The following DCAF6 variants were observed in gnomAD, a reference collection of about 807,000 sequenced individuals.
The protein encoded by DCAF6 is DDB1- and CUL4-associated factor 6.
A neutral mutation model predicts 125.1 loss-of-function variants in DCAF6; 54 were observed. The observed-to-expected ratio is 0.43, with a 90% CI of 0.35 to 0.54. The LOEUF (loss-of-function observed/expected upper bound fraction) is 0.54, where lower values mean the gene tolerates loss of function less well. DCAF6 is among the 20% of genes least tolerant of loss of function. DCAF6 has a pLI of 0.01. For missense variants in DCAF6, 934 were observed against 1,161.7 expected (o/e 0.80, Z 2.85); for synonymous variants, 371 against 390.4 (o/e 0.95, Z 0.58).
At chr1:167,976,439 T>G (rs1295979917) in intron 4 of DCAF6, among the ~76,000 whole-genome samples, 1 of 152,108 alleles carries the variant, frequency 6.6e-6, no homozygotes, top group Non-Finnish European at 1.5e-5. Flanking sequence ...GCTACTGTAC[T>G]CCAACCTGGG....
intron 5 of DCAF6, 32 bp downstream of exon 5, chr1:167,987,640 G>GA (rs751180148): frequency 2.6e-6 from 3 of 1,135,692 alleles, no homozygotes; most frequent in African/African-American, 1.6e-5. Context: ...AAATGATGCA[G>GA]AAAAAATTAA....
chr1:167,872,113 G>A, the DCAF6 span, among the ~76,000 whole-genome samples: 27,968 of 152,086 alleles, frequency 0.18, 2,954 homozygotes, highest in Middle Eastern at 0.26. Context: ...AGGCCGAGGC[G>A]GGTGGATCCC....
At chr1:168,036,164 G>T (rs979352848) in intron 12 of DCAF6, among the ~76,000 whole-genome samples, 1 of 152,178 alleles carries the variant, frequency 6.6e-6, no homozygotes, top group African/African-American at 2.4e-5. Flanking sequence ...CTTGCCTTTG[G>T]TGGGGAACCT....
the DCAF6 span, among the ~76,000 whole-genome samples, chr1:167,899,944 T>C: frequency 6.6e-6 from 1 of 152,232 alleles, no homozygotes; most frequent in Non-Finnish European, 1.5e-5. Context: ...CAACAGGGAA[T>C]ACCTTTAATA....
At chr1:167,880,479 G>T in the DCAF6 span, 8 of 1,597,122 alleles carry the variant, frequency 5.0e-6, no homozygotes, top group Non-Finnish European at 6.9e-6. Context: ...TGGGACCAGG[G>T]TCAATACTCA....
In DCAF6 at chr1:168,004,569, C is replaced by T. The variant is rs765808967; in HGVS notation, c.1154C>T (p.Thr385Met). 33 of 1,611,988 alleles carry T rather than the reference C, an allele frequency of 2.0e-5. No individual in the cohort carries two copies. The highest frequency in any genetic ancestry group is 1.9e-4 in the South Asian group (17 of 90,872). ...TSQSDISTLP[T>M]VPSSPDLEVS... The stretch of plus-strand genomic sequence containing the variant: ...CAATCAGATATTTCAACTCTTCCTA[C>T]GGTCCCATCAAGTCCTGATTTGGAA... The change falls in exon 10 of 22, where the codon ACG (threonine) becomes ATG (methionine). Residue 385 changes from threonine to methionine, a missense_variant. Around this residue, in one of 5 missense-constraint regions of DCAF6, gnomAD observed 559 missense variants for 635.5 expected, o/e 0.88. Coordinates refer to ENST00000367840, the MANE Select transcript of DCAF6 (RefSeq NM_001198956.2).
chr1:167,878,387 A>T, the DCAF6 span: 2 of 1,570,084 alleles, frequency 1.3e-6, no homozygotes, highest in South Asian at 2.2e-5. Flanking sequence ...CTGCTTTGCT[A>T]TCATAATTCT....
chr1:168,056,346 C>A (rs1690801299), intron 17 of DCAF6: 2 of 1,583,456 alleles, frequency 1.3e-6, no homozygotes, highest in African/African-American at 2.8e-5. Flanking sequence ...CCTCGGCGGG[C>A]AGGGCGCGGC....
At position 167,980,066 on chromosome 1, in the gene DCAF6, A is replaced by G. The variant is rs144537259; in HGVS notation, c.438+5051A>G. Among the ~76,000 whole-genome samples, 55 of 152,132 alleles carry G rather than the reference A, an allele frequency of 3.6e-4. No individual in the cohort carries two copies. The East Asian group carries it at 0.01, about 29-fold the overall frequency. Reference sequence around the variant, plus strand: ...TGTGGTGGCATGTGCCTATAGTCCCAGTTACTTGGGAGGCTGAGGCAGGAG... The same window carrying G: ...TGTGGTGGCATGTGCCTATAGTCCCGGTTACTTGGGAGGCTGAGGCAGGAG... On this transcript the variant is annotated intron_variant, in intron 4 of 21. Transcript: ENST00000367840.
the DCAF6 span, chr1:167,902,150 G>C: frequency 1.7e-6 from 2 of 1,200,160 alleles, no homozygotes; most frequent in Non-Finnish European, 2.4e-6. Context: ...TAGGTCAAAA[G>C]AACAGTGATT....
intron 4 of DCAF6, among the ~76,000 whole-genome samples, chr1:167,984,733 T>TA (rs1679697300): frequency 6.6e-6 from 1 of 152,256 alleles, no homozygotes; most frequent in Non-Finnish European, 1.5e-5. Flanking sequence ...ACTTTTTATA[T>TA]ATTTTTTGCA....
At position 168,068,360 on chromosome 1, in the gene DCAF6, T is replaced by G; in HGVS notation, c.2688T>G (p.Val896=). 6.2e-7 allele frequency: 1 copy of G among 1,605,088 alleles called. No individual in the cohort carries two copies. The highest frequency in any genetic ancestry group is 1.3e-5 in the African/African-American group (1 of 74,556). Residue 896 remains valine (V), a splice_region_variant and synonymous_variant, in exon 21 of 22, where the codon GTT becomes GTG. Coordinates refer to ENST00000367840, the MANE Select transcript of DCAF6 (RefSeq NM_001198956.2). ...RIFNRKLADE[V]ITRNELMLEE... is the part of the protein sequence containing the mutation. ...ACGATTTTTAACTTGCCTTGTAGGTTATAACTCGAAACGAACTCATGCTGG... is the reference window on the plus strand; with the variant it reads ...ACGATTTTTAACTTGCCTTGTAGGTGATAACTCGAAACGAACTCATGCTGG...
chr1:168,004,064 C>G, intron 9 of DCAF6, 75 bp downstream of exon 9: 2 of 1,518,552 alleles, frequency 1.3e-6, no homozygotes, highest in Non-Finnish European at 1.8e-6. Flanking sequence ...TTATTTCTAT[C>G]ATGTAAATTA....
At chr1:167,981,704 C>A (rs1029015545) in intron 4 of DCAF6, among the ~76,000 whole-genome samples, 1 of 152,204 alleles carries the variant, frequency 6.6e-6, no homozygotes, top group Non-Finnish European at 1.5e-5. Context: ...CTGCAAAGGA[C>A]ATGATTTCAT....
intron 2 of DCAF6, among the ~76,000 whole-genome samples, chr1:167,959,120 T>C (rs1675203624): frequency 6.6e-6 from 1 of 152,250 alleles, no homozygotes; most frequent in African/African-American, 2.4e-5. Flanking sequence ...TGTCATATAA[T>C]TGGAATCACA....
chr1:168,030,670 A>AT (rs1686971246), intron 12 of DCAF6, among the ~76,000 whole-genome samples: 2 of 152,218 alleles, frequency 1.3e-5, no homozygotes, highest in Non-Finnish European at 2.9e-5. Context: ...GGGATTGAGG[A>AT]GGAATCCAGA....
the DCAF6 span, chr1:167,920,636 A>T: frequency 6.2e-7 from 1 of 1,609,698 alleles, no homozygotes. Flanking sequence ...CAACCCCTAC[A>T]CATTAACGCA....
the DCAF6 span, among the ~76,000 whole-genome samples, chr1:167,906,973 T>C: frequency 6.6e-6 from 1 of 152,238 alleles, no homozygotes; most frequent in Non-Finnish European, 1.5e-5. Context: ...ATACACCTTT[T>C]CTTTTGTTTC....
chr1:168,053,271 T>C (rs766976450), intron 17 of DCAF6, among the ~76,000 whole-genome samples: 4 of 152,166 alleles, frequency 2.6e-5, no homozygotes, highest in Non-Finnish European at 5.9e-5. Context: ...GTAAGCACCT[T>C]TAAGGACAGT....
Sources: allele counts gnomAD v4.1 joint callset (sites outside exome capture counted in the v4.1 genomes callset), GRCh38; gene constraint gnomAD v4.1.1; regional missense constraint gnomAD v4.1.1; transcripts MANE v1.5; gene names NCBI Gene and HGNC (gene_info 2026-07-23, HGNC 2026-07-21).